Variants in UNC5D observed in about 807,000 individuals in gnomAD.
The protein encoded by UNC5D is netrin receptor UNC5D.
Under a neutral mutation model 105.4 loss-of-function variants are expected in UNC5D, and 39 were observed. The observed-to-expected ratio is 0.37, with a 90% confidence interval of 0.29 to 0.48. The LOEUF is 0.48. Among genes scored for constraint, UNC5D ranks in the 20% least tolerant of loss-of-function variants. The pLI is 0.98. For synonymous variants in UNC5D, 452 were observed against 450.4 expected (o/e 1.00, Z -0.04); for missense variants, 991 against 1,202.4 (o/e 0.82, Z 2.60).
At chr8:35,510,164 T>C (rs1812598835) in intron 1 of UNC5D, among the ~76,000 whole-genome samples, 1 of 151,958 alleles carries the variant, frequency 6.6e-6, no homozygotes, top group Non-Finnish European at 1.5e-5. Flanking sequence ...CTTCATTCCC[T>C]CTCTCCTCCC....
chr8:35,239,049 G>A (rs1319147929), intron 1 of UNC5D, among the ~76,000 whole-genome samples: 2 of 151,866 alleles, frequency 1.3e-5, no homozygotes, highest in East Asian at 1.9e-4. Context: ...TGATTCTTGG[G>A]TTGTGCTCTT....
chr8:35,763,007 A>G (rs550432299), intron 14 of UNC5D, among the ~76,000 whole-genome samples: 1 of 152,270 alleles, frequency 6.6e-6, no homozygotes, highest in African/African-American at 2.4e-5. Flanking sequence ...CTCCTCCCAT[A>G]TTACTTTCCA....
chr8:35,607,180 T>G (rs967430419), intron 4 of UNC5D, among the ~76,000 whole-genome samples: 1 of 152,152 alleles, frequency 6.6e-6, no homozygotes, highest in African/African-American at 2.4e-5. Context: ...AAAAAAATAT[T>G]TGGGAGAGCT....
chr8:35,335,453 T>C (rs1349709875), intron 1 of UNC5D, among the ~76,000 whole-genome samples: 1 of 152,232 alleles, frequency 6.6e-6, no homozygotes, highest in Non-Finnish European at 1.5e-5. Flanking sequence ...ATATGACTCA[T>C]GTTAAGCACT....
intron 1 of UNC5D, among the ~76,000 whole-genome samples, chr8:35,444,304 T>C (rs1277715610): frequency 2.0e-5 from 3 of 152,106 alleles, no homozygotes; most frequent in African/African-American, 7.2e-5. Context: ...AGGACTTGGC[T>C]AATTTCAGTT....
chr8:35,358,659 C>T (rs1211200532), intron 1 of UNC5D, among the ~76,000 whole-genome samples: 3 of 152,106 alleles, frequency 2.0e-5, no homozygotes, highest in Admixed American at 2.0e-4. Context: ...AAGTAGTTCC[C>T]CCTTCCTGTC....
chr8:35,407,351 A>G (rs1309810930), intron 1 of UNC5D, among the ~76,000 whole-genome samples: 2 of 152,134 alleles, frequency 1.3e-5, no homozygotes, highest in East Asian at 3.9e-4. Context: ...ATAAGTAAAA[A>G]AAAAACACTT....
chr8:35,289,163 A>T (rs927386619), intron 1 of UNC5D, among the ~76,000 whole-genome samples: 5 of 152,200 alleles, frequency 3.3e-5, no homozygotes, highest in Admixed American at 2.0e-4. Flanking sequence ...GGGATGGAAA[A>T]TGGTATTCCA....
At chr8:35,735,989 A>T (rs965216908) in intron 11 of UNC5D, among the ~76,000 whole-genome samples, 2 of 152,186 alleles carry the variant, frequency 1.3e-5, no homozygotes, top group Non-Finnish European at 2.9e-5. Context: ...TTATGATATG[A>T]ATCTGTTTGT....
At chr8:35,397,395 C>T (rs1804173480) in intron 1 of UNC5D, among the ~76,000 whole-genome samples, 1 of 152,218 alleles carries the variant, frequency 6.6e-6, no homozygotes, top group Non-Finnish European at 1.5e-5. Flanking sequence ...TACAAGTTCC[C>T]AGATGCCAGG....
chr8:35,519,338 T>C (rs1444476603), intron 1 of UNC5D, among the ~76,000 whole-genome samples: 3 of 152,184 alleles, frequency 2.0e-5, no homozygotes, highest in Non-Finnish European at 4.4e-5. Context: ...TATGTATATA[T>C]CTATCCCTTT....
intron 4 of UNC5D, among the ~76,000 whole-genome samples, chr8:35,602,057 A>G (rs990065745): frequency 6.6e-6 from 1 of 152,058 alleles, no homozygotes; most frequent in African/African-American, 2.4e-5. Flanking sequence ...TGAGATCATC[A>G]TGTGGTTTTT....
chr8:35,691,043 G>C (rs1296452468), intron 7 of UNC5D, among the ~76,000 whole-genome samples: 2 of 152,108 alleles, frequency 1.3e-5, no homozygotes, highest in East Asian at 3.9e-4. Context: ...TTGTCTCTGA[G>C]GGTTGCATTT....
rs1161700063 is a variant in UNC5D at position 35,792,675 on chromosome 8, T to C, written c.*2112T>C. 5.2e-6 allele frequency: 1 copy of C among 192,284 alleles called. No individual in the cohort carries two copies. Among genetic ancestry groups the C allele is most frequent in the Admixed American group, 5.9e-5 (1 of 16,832 alleles). The allele number at this position is 192,284 out of a possible 1,614,324, so 11.9% of individuals were successfully genotyped here. ...GTGCAGAGGAAAGCTGCATTCACTA[T>C]TGAGTAAAAACTTGTAGAAAGCACA... On this transcript the variant is annotated 3_prime_UTR_variant, in exon 17 of 17. Coordinates refer to ENST00000404895, the MANE Select transcript of UNC5D (RefSeq NM_080872.4).
At chr8:35,788,669 G>T (rs900825354) in intron 16 of UNC5D, among the ~76,000 whole-genome samples, 3 of 150,860 alleles carry the variant, frequency 2.0e-5, no homozygotes, top group African/African-American at 7.4e-5. Flanking sequence ...GGTGTTTGTG[G>T]TCAAATTGGG....
At chr8:35,692,568 C>T (rs1826481736) in intron 7 of UNC5D, among the ~76,000 whole-genome samples, 1 of 152,208 alleles carries the variant, frequency 6.6e-6, no homozygotes, top group African/African-American at 2.4e-5. Flanking sequence ...CAAACAAAAT[C>T]TGTCAAGTCC....
intron 1 of UNC5D, among the ~76,000 whole-genome samples, chr8:35,297,483 C>G (rs866910273): frequency 6.6e-6 from 1 of 152,186 alleles, no homozygotes; most frequent in South Asian, 2.1e-4. Context: ...ATGATGGAAT[C>G]ACATCTATTG....
intron 16 of UNC5D, 40 bp from the exon 17 acceptor site, chr8:35,790,319 T>C (rs375889260): frequency 4.4e-5 from 70 of 1,579,588 alleles, no homozygotes; most frequent in Non-Finnish European, 5.7e-5. Flanking sequence ...TTTATTTTCA[T>C]GTTTCGTTTT....
rs1428523590 is a variant in UNC5D, at chr8:35,462,998, ACT to A, written c.104-86291_104-86290del. Among the ~76,000 whole-genome samples, 4 of 152,128 alleles carry A rather than the reference ACT, an allele frequency of 2.6e-5. No individual in the cohort carries two copies. The South Asian group carries it at 8.3e-4, about 32-fold the overall frequency. On this transcript the variant is annotated intron_variant, in intron 1 of 16. Coordinates refer to ENST00000404895, the MANE Select transcript of UNC5D (RefSeq NM_080872.4). ...CATGGGATCTTCTCTGGAACACCAC[ACT>A]CTTATGTAATCCTTCCCATCCCTCT...
Sources: allele counts gnomAD v4.1 joint callset (sites outside exome capture counted in the v4.1 genomes callset), GRCh38; gene constraint gnomAD v4.1.1; transcripts MANE v1.5; gene names NCBI Gene and HGNC (gene_info 2026-07-23, HGNC 2026-07-21).